TRPC4AP: variants seen among roughly 807,000 people sequenced by gnomAD.
TRPC4AP encodes the protein transient receptor potential cation channel subfamily C member 4 associated protein, also known as short transient receptor potential channel 4-associated protein.
TRPC4AP carries 45 observed loss-of-function variants against 99.0 expected under a neutral mutation model. The ratio of observed to expected loss-of-function variants is 0.45; its 90% CI spans 0.36 to 0.58. The LOEUF (loss-of-function observed/expected upper bound fraction) is 0.58, where lower values mean the gene tolerates loss of function less well. TRPC4AP is among the 20% of genes least tolerant of loss of function. The pLI is 0.00. For synonymous variants in TRPC4AP, 408 were observed against 385.8 expected, an observed-to-expected ratio of 1.06 and a Z score of -0.67; for missense variants, 879 against 985.3, an observed-to-expected ratio of 0.89 and a Z score of 1.44.
At chr20:35,044,398 A>AG (rs2083509290) in intron 7 of TRPC4AP, 107 bp downstream of exon 7, 9 of 1,005,728 alleles carry the variant, frequency 8.9e-6, no homozygotes, top group South Asian at 8.6e-5. Flanking sequence ...ATCTCAAAAA[A>AG]GGAAAAAAAA....
At position 35,049,720 on chromosome 20, in the gene TRPC4AP, A is replaced by AATG; in HGVS notation, c.657+145_657+146insCAT. 3.5e-6 allele frequency: 3 copies of AATG among 854,650 alleles called. No homozygotes were observed. The South Asian group carries it at 7.2e-5, about 20-fold the overall frequency. 52.9% of individuals were successfully genotyped at this position (854,650 alleles called of 1,614,324 possible). A position where few individuals can be genotyped will look rare whatever the true frequency, so the allele number is the denominator to read the frequency against. Reference sequence around the variant, plus strand: ...TTTAAGAACCACTAGTATAAGGGGTAATCAAGTTTTATACTTGAATACATC... The same window carrying AATG: ...TTTAAGAACCACTAGTATAAGGGGTAATGATCAAGTTTTATACTTGAATACATC... On this transcript the variant is annotated intron_variant, in intron 6 of 18. Coordinates refer to ENST00000252015, the MANE Select transcript of TRPC4AP (RefSeq NM_015638.3).
intron 1 of TRPC4AP, among the ~76,000 whole-genome samples, chr20:35,079,881 G>A (rs997203878): frequency 3.3e-5 from 5 of 150,650 alleles, no homozygotes; most frequent in Non-Finnish European, 7.4e-5. Flanking sequence ...AATAAGCCAA[G>A]GGTGGTGGTG....
intron 6 of TRPC4AP, among the ~76,000 whole-genome samples, chr20:35,048,212 GTT>G (rs1318734064): frequency 1.6e-4 from 5 of 31,756 alleles, no homozygotes; most frequent in Admixed American, 5.0e-4. Flanking sequence ...TAAGAATTCT[GTT>G]TTTTTTTTTT....
intron 3 of TRPC4AP, among the ~76,000 whole-genome samples, chr20:35,062,806 T>C (rs1000311202): frequency 6.6e-6 from 1 of 152,222 alleles, no homozygotes; most frequent in Non-Finnish European, 1.5e-5. Context: ...ACTAAAAAAC[T>C]GAATTATATC....
chr20:35,008,353 A>C (rs141884128), intron 13 of TRPC4AP, among the ~76,000 whole-genome samples: 1 of 152,110 alleles, frequency 6.6e-6, no homozygotes, highest in African/African-American at 2.4e-5. Context: ...ATTCCTTCCC[A>C]CACTGCATTG....
intron 7 of TRPC4AP, among the ~76,000 whole-genome samples, chr20:35,037,538 A>G (rs2083348269): frequency 6.6e-6 from 1 of 152,200 alleles, no homozygotes; most frequent in African/African-American, 2.4e-5. Flanking sequence ...CTGAAGGGAT[A>G]AACAAACTGT....
chr20:35,049,173 C>T (rs6060178), intron 6 of TRPC4AP, among the ~76,000 whole-genome samples: 68 of 152,138 alleles, frequency 4.5e-4, no homozygotes, highest in African/African-American at 1.5e-3. Flanking sequence ...CACAGTAAGT[C>T]TCTAACAGAG....
intron 16 of TRPC4AP, among the ~76,000 whole-genome samples, chr20:35,005,255 C>A (rs1239395869): frequency 6.6e-6 from 1 of 152,176 alleles, no homozygotes; most frequent in African/African-American, 2.4e-5. Flanking sequence ...GGGGGGGTCA[C>A]AAACCCTCAG....
intron 2 of TRPC4AP, among the ~76,000 whole-genome samples, chr20:35,077,809 A>C (rs1055016381): frequency 1.3e-5 from 2 of 152,202 alleles, no homozygotes; most frequent in African/African-American, 4.8e-5. Context: ...AAATAAACAC[A>C]CATAGAGCCC....
At chr20:35,010,060 C>A in intron 12 of TRPC4AP, 127 bp downstream of exon 12, 1 of 715,048 alleles carries the variant, frequency 1.4e-6, no homozygotes, top group East Asian at 2.7e-5. Flanking sequence ...ACACAGGAGC[C>A]CTCAGGACAC....
chr20:35,076,826 T>C (rs1302397494), intron 2 of TRPC4AP, among the ~76,000 whole-genome samples: 1 of 152,216 alleles, frequency 6.6e-6, no homozygotes, highest in Non-Finnish European at 1.5e-5. Flanking sequence ...CAGAAGTTTC[T>C]GCTGCCTTTT....
intron 3 of TRPC4AP, among the ~76,000 whole-genome samples, chr20:35,068,099 T>G (rs1427287749): frequency 1.3e-5 from 2 of 152,132 alleles, no homozygotes; most frequent in East Asian, 3.9e-4. Flanking sequence ...TAAAATACAC[T>G]GTTTGTGGAA....
At chr20:35,023,222 G>A (rs1173858271) in intron 8 of TRPC4AP, among the ~76,000 whole-genome samples, 2 of 152,120 alleles carry the variant, frequency 1.3e-5, no homozygotes, top group Non-Finnish European at 2.9e-5. Context: ...TTCACTAGCC[G>A]GGTGGTCTTC....
chr20:35,013,309 G>A (rs1056733932), intron 10 of TRPC4AP, among the ~76,000 whole-genome samples: 1 of 152,184 alleles, frequency 6.6e-6, no homozygotes, highest in East Asian at 1.9e-4. Flanking sequence ...GGCGGGGCGT[G>A]GTGGTTACAC....
intron 6 of TRPC4AP, among the ~76,000 whole-genome samples, chr20:35,047,004 G>T (rs2083574359): frequency 6.6e-6 from 1 of 152,066 alleles, no homozygotes; most frequent in African/African-American, 2.4e-5. Context: ...AAGTAGCTGG[G>T]ACTACAGGCA....
chr20:35,044,671 T>G lies in TRPC4AP; in HGVS notation c.699A>C (p.Leu233Phe). Residue 233 changes from leucine (L) to phenylalanine (F), a missense_variant, in exon 7 of 19, where the codon TTA becomes TTC. This residue lies in a region of TRPC4AP where 603 missense variants were observed against 631.8 expected (regional missense o/e 0.95). Coordinates refer to ENST00000252015, the MANE Select transcript of TRPC4AP (RefSeq NM_015638.3). ...RLDEVPNLSSLVSNFDQQQLA... is the reference protein window; with the variant it reads ...RLDEVPNLSSFVSNFDQQQLA... The stretch of plus-strand genomic sequence containing the variant: ...GCTGCTGCTGATCGAAATTGGATAC[T>G]AAGGAACTCAGATTGGGGACTTCAT... 1.2e-6 allele frequency: 2 copies of G among 1,614,182 alleles called. No homozygotes were observed. The highest frequency in any genetic ancestry group is 1.7e-6 in the Non-Finnish European group (2 of 1,180,034).
intron 6 of TRPC4AP, 77 bp from the exon 7 acceptor site, chr20:35,044,789 C>T: frequency 7.0e-7 from 1 of 1,425,588 alleles, no homozygotes; most frequent in African/African-American, 1.4e-5. Context: ...TTCGCATCCC[C>T]TTACATACGG....
intron 8 of TRPC4AP, among the ~76,000 whole-genome samples, chr20:35,022,856 A>G (rs1364675192): frequency 1.3e-5 from 2 of 152,058 alleles, no homozygotes; most frequent in Non-Finnish European, 2.9e-5. Context: ...CCTCATTGCT[A>G]TAAAAAAATT....
intron 10 of TRPC4AP, among the ~76,000 whole-genome samples, chr20:35,015,524 G>A (rs1242199122): frequency 2.7e-5 from 4 of 148,490 alleles, no homozygotes; most frequent in African/African-American, 7.5e-5. Context: ...GTCCAGTGGC[G>A]TGATCTCAGC....
Sources: gnomAD v4.1 joint callset for allele counts (sites outside exome capture counted in the v4.1 genomes callset) on GRCh38, gnomAD v4.1.1 for gene constraint, gnomAD v4.1.1 regional missense constraint, MANE v1.5 for transcripts, NCBI Gene and HGNC (gene_info 2026-07-23, HGNC 2026-07-21) for gene names.